The following FAM178B variants were observed in gnomAD, a reference collection of about 807,000 sequenced individuals.
FAM178B encodes the protein protein FAM178B.
A neutral mutation model predicts 91.7 loss-of-function variants in FAM178B; 82 were observed. The observed-to-expected ratio is 0.89, with a 90% CI of 0.75 to 1.07. FAM178B has a LOEUF of 1.07. Among genes scored for constraint, FAM178B ranks in the 50% least tolerant of loss-of-function variants. FAM178B has a pLI of 0.00. For synonymous variants in FAM178B, 368 were observed against 359.4 expected (o/e 1.02, Z -0.27); for missense variants, 769 against 846.7 (o/e 0.91, Z 1.14).
rs184822649 is a variant in FAM178B, at chr2:96,948,049, G to C, written c.994-147C>G. On this transcript the variant is annotated intron_variant, in intron 7 of 16. Transcript: ENST00000490605. The stretch of plus-strand genomic sequence containing the variant: ...GTGGTAGAAGGACATTGTCATTGTT[G>C]CCAATTAGAGGATGGAAAACCAAGC... The C allele has an allele frequency of 4.9e-3, 2,917 of 593,898 alleles. 23 individuals carry two copies. Among genetic ancestry groups the C allele is most frequent in the Non-Finnish European group, 6.2e-3 (2,037 of 329,238 alleles). The allele number at this position is 593,898 out of a possible 1,614,324, so 36.8% of individuals were successfully genotyped here.
At chr2:96,917,783 G>A (rs2081266125) in intron 12 of FAM178B, among the ~76,000 whole-genome samples, 1 of 152,198 alleles carries the variant, frequency 6.6e-6, no homozygotes, top group Admixed American at 6.5e-5. Context: ...TTGATCCCAA[G>A]AGGTCGAGGC....
intron 7 of FAM178B, 112 bp from the exon 8 acceptor site, chr2:96,948,014 A>G (rs534230053): frequency 1.7e-5 from 11 of 633,822 alleles, no homozygotes; most frequent in South Asian, 1.2e-4. Flanking sequence ...TTTAATTCTC[A>G]TAAGTCTGTG....
intron 6 of FAM178B, among the ~76,000 whole-genome samples, chr2:96,957,057 G>A (rs1421114875): frequency 6.6e-6 from 1 of 151,846 alleles, no homozygotes; most frequent in Non-Finnish European, 1.5e-5. Flanking sequence ...TTGAGACGGG[G>A]TTTCTCCATG....
In FAM178B at chr2:96,876,313, G is replaced by A. The variant is rs372312893; in HGVS notation, c.2008-5C>T. On this transcript the variant is annotated splice_region_variant and splice_polypyrimidine_tract_variant and intron_variant, in intron 16 of 16. Transcript: ENST00000490605. ...CCAGGGGCTGAAATACTGGGCCTGC[G>A]GCGAGGAGAAAAGCAGGCTGTGAGG... 4 of 1,600,698 alleles carry A rather than the reference G, an allele frequency of 2.5e-6. No individual in the cohort carries two copies. The highest frequency in any genetic ancestry group is 1.7e-4 in the Middle Eastern group (1 of 6,036).
chr2:96,925,228 G>GA (rs2081417126), intron 9 of FAM178B, among the ~76,000 whole-genome samples: 1 of 152,186 alleles, frequency 6.6e-6, no homozygotes, highest in Non-Finnish European at 1.5e-5. Flanking sequence ...CTGCAGAAGA[G>GA]AGACGCTGCC....
chr2:96,878,508 C>T lies in FAM178B; in HGVS notation c.1777-15G>A. 6.2e-7 allele frequency: 1 copy of T among 1,613,064 alleles called. No homozygotes were observed. The highest frequency in any genetic ancestry group is 8.5e-7 in the Non-Finnish European group (1 of 1,179,630). ...AGGTAGCAGGCCTGGAGGGAGAGCA[C>T]AGGGAGAGCTGCTTCTCTAACTCCA... On this transcript the variant is annotated splice_polypyrimidine_tract_variant and intron_variant, in intron 14 of 16. Coordinates refer to ENST00000490605, the MANE Select transcript of FAM178B (RefSeq NM_001122646.3).
intron 6 of FAM178B, among the ~76,000 whole-genome samples, chr2:96,953,541 C>G (rs961296707): frequency 1.3e-5 from 2 of 152,222 alleles, no homozygotes; most frequent in African/African-American, 2.4e-5. Flanking sequence ...CAACATCTCC[C>G]TTCTGCTATG....
chr2:96,984,988 C>G (rs1269948206), intron 1 of FAM178B, among the ~76,000 whole-genome samples: 1 of 152,168 alleles, frequency 6.6e-6, no homozygotes, highest in African/African-American at 2.4e-5. Flanking sequence ...AAAAAGCTGC[C>G]AAGTGAACGA....
Position 96,972,274 on chromosome 2 carries a change from T to A in FAM178B, c.191A>T (p.Asp64Val). 6.7e-7 allele frequency: 1 copy of A among 1,494,004 alleles called. No individual in the cohort carries two copies. The highest frequency in any genetic ancestry group is 1.3e-5 in the South Asian group (1 of 74,512). The allele number at this position is 1,494,004 out of a possible 1,614,324, so 92.5% of individuals were successfully genotyped here. Residue 64 changes from aspartate (D) to valine (V), a missense_variant, in exon 3 of 17, where the codon GAT (aspartate) becomes GTT (valine). Physicochemically the swap from Asp to Val is radical, Grantham distance 152. Coordinates refer to ENST00000490605, the MANE Select transcript of FAM178B (RefSeq NM_001122646.3). ...TVPILLYNLE[D>V]GLSDHPLDQG... ...GTCCAGGGGATGGTCTGACAAGCCA[T>A]CCTCCAGGTTGTACAGGAGGATGGG...
At position 96,972,160 on chromosome 2, in the gene FAM178B, G is replaced by A; in HGVS notation, c.305C>T (p.Pro102Leu). Residue 102 changes from proline (P) to leucine (L), a missense_variant, in exon 3 of 17, where the codon CCT becomes CTT. Transcript: ENST00000490605. ...TSPKKPKIQA[P>L]GETFPTDWSP... ...CCAGTCAGTGGGAAACGTTTCCCCA[G>A]GTGCCTGTATCTTGGGCTTCTTTGG... is the stretch of plus-strand genomic sequence containing the variant. The A allele has an allele frequency of 1.3e-6, 2 of 1,544,668 alleles. No homozygotes were observed. The highest frequency in any genetic ancestry group is 1.7e-6 in the Non-Finnish European group (2 of 1,143,932).
chr2:96,972,392 G>T lies in FAM178B; in HGVS notation c.143-70C>A, dbSNP rs896815147. On this transcript the variant is annotated intron_variant, in intron 2 of 16. Coordinates refer to ENST00000490605, the MANE Select transcript of FAM178B (RefSeq NM_001122646.3). ...CTGTCCCAGACGTCAAGCCACACTG[G>T]GTAAGGAGAGCAGCAAATGGGTGAG... 14 of 1,479,758 alleles carry T rather than the reference G, an allele frequency of 9.5e-6. No individual in the cohort carries two copies. The Admixed American group carries it at 2.7e-4, about 28-fold the overall frequency. 91.7% of individuals were successfully genotyped at this position (1,479,758 alleles called of 1,614,324 possible).
rs77611083 is a variant in FAM178B at position 96,943,341 on chromosome 2, C to T, written c.1078+4477G>A. On this transcript the variant is annotated intron_variant, in intron 8 of 16. Coordinates refer to ENST00000490605, the MANE Select transcript of FAM178B (RefSeq NM_001122646.3). ...CAACTTTTGGTCTCTATGGATTTGC[C>T]TATTCTGGACATTTCAGAATAGGCA... is the stretch of plus-strand genomic sequence containing the variant. Among the ~76,000 whole-genome samples, 36 of 152,274 alleles carry T rather than the reference C, an allele frequency of 2.4e-4. 2 individuals carry two copies. The East Asian group carries it at 6.6e-3, about 28-fold the overall frequency.
At chr2:96,929,417 A>G in intron 8 of FAM178B, 97 bp from the exon 9 acceptor site, 1 of 871,286 alleles carries the variant, frequency 1.1e-6, no homozygotes, top group Non-Finnish European at 1.8e-6. Context: ...CTGGCCCAAG[A>G]TAACCAGTTT....
intron 14 of FAM178B, among the ~76,000 whole-genome samples, chr2:96,891,839 G>A (rs1268983286): frequency 6.6e-6 from 1 of 152,202 alleles, no homozygotes; most frequent in African/African-American, 2.4e-5. Flanking sequence ...CCTGGGGGAT[G>A]GGTAGGCGTC....
At position 96,923,478 on chromosome 2, in the gene FAM178B, G is replaced by A. The variant is rs759862372; in HGVS notation, c.1287+12C>T. 66 of 1,547,578 alleles carry A rather than the reference G, an allele frequency of 4.3e-5. 1 individual carries two copies. The Middle Eastern group carries it at 1.3e-3, about 31-fold the overall frequency. Reference sequence around the variant, plus strand: ...CGAGAGTGCCCTGCATGAGGCAGGCGGCTTGACTCACCTTGTAGATGTGGC... The same window carrying A: ...CGAGAGTGCCCTGCATGAGGCAGGCAGCTTGACTCACCTTGTAGATGTGGC... On this transcript the variant is annotated intron_variant, in intron 10 of 16. Coordinates refer to ENST00000490605, the MANE Select transcript of FAM178B (RefSeq NM_001122646.3).
chr2:96,960,508 G>A (rs2153374771), intron 5 of FAM178B, 68 bp from the exon 6 acceptor site: 1 of 1,471,106 alleles, frequency 6.8e-7, no homozygotes, highest in East Asian at 2.5e-5. Context: ...ATGGCCATTA[G>A]CCCAGGGAAG....
intron 1 of FAM178B, among the ~76,000 whole-genome samples, chr2:96,973,557 A>G (rs2082251636): frequency 6.6e-6 from 1 of 152,222 alleles, no homozygotes; most frequent in Admixed American, 6.5e-5. Flanking sequence ...TCAAACTGCA[A>G]CACAGATGAA....
rs559883084 is a variant in FAM178B, at chr2:96,948,034, G to A, written c.994-132C>T. 1.8e-5 allele frequency: 11 copies of A among 605,216 alleles called. No homozygotes were observed. The African/African-American group carries it at 1.9e-4, about 10-fold the overall frequency. 37.5% of individuals were successfully genotyped at this position (605,216 alleles called of 1,614,324 possible). On this transcript the variant is annotated intron_variant, in intron 7 of 16. Coordinates refer to ENST00000490605, the MANE Select transcript of FAM178B (RefSeq NM_001122646.3). ...TTCTCATAAGTCTGTGTGGTAGAAG[G>A]ACATTGTCATTGTTGCCAATTAGAG...
At chr2:96,905,999 G>A (rs2081048331) in intron 12 of FAM178B, among the ~76,000 whole-genome samples, 1 of 147,680 alleles carries the variant, frequency 6.8e-6, no homozygotes, top group Non-Finnish European at 1.5e-5. Flanking sequence ...AGCCTCCGGA[G>A]TAGCTGGGAT....
Sources: allele counts gnomAD v4.1 joint callset (sites outside exome capture counted in the v4.1 genomes callset), GRCh38; gene constraint gnomAD v4.1.1; transcripts MANE v1.5; gene names NCBI Gene and HGNC (gene_info 2026-07-23, HGNC 2026-07-21).